Variants in PKHD1 observed in about 807,000 individuals in gnomAD.
PKHD1 encodes the protein PKHD1 ciliary IPT domain containing fibrocystin/polyductin.
A neutral mutation model predicts 412.0 loss-of-function variants in PKHD1; 291 were observed. The observed-to-expected ratio is 0.71, with a 90% CI of 0.64 to 0.78. PKHD1 has a LOEUF of 0.78. Among genes scored for constraint, PKHD1 ranks in the 30% least tolerant of loss-of-function variants. PKHD1 has a pLI of 0.00. For missense variants in PKHD1, 4,825 were observed against 4,950.7 expected (o/e 0.97, Z 0.76); for synonymous variants, 1,777 against 1,821.5 (o/e 0.98, Z 0.62).
In PKHD1 at chr6:51,974,022, T is replaced by G. The variant is rs545453223; in HGVS notation, c.5752-13996A>C. On this transcript the variant is annotated intron_variant, in intron 35 of 66. Transcript: ENST00000371117. ...AAGTGATTTTTGGTCTTTTAAAATT[T>G]TCTTGATAGAGCAATCACTATTCAT... Among the ~76,000 whole-genome samples, 64 of 152,300 alleles carry G rather than the reference T, an allele frequency of 4.2e-4. 1 individual carries two copies. The highest frequency in any genetic ancestry group is 1.3e-3 in the Admixed American group (20 of 15,298).
intron 46 of PKHD1, among the ~76,000 whole-genome samples, chr6:51,881,167 G>A (rs533619666): frequency 1.0e-3 from 145 of 144,996 alleles, no homozygotes; most frequent in Non-Finnish European, 1.5e-3. Context: ...GCTAAGTAAA[G>A]ATTAATAGAT....
At chr6:51,800,857 T>C (rs1320640311) in intron 52 of PKHD1, among the ~76,000 whole-genome samples, 2 of 152,194 alleles carry the variant, frequency 1.3e-5, no homozygotes, top group East Asian at 3.8e-4. Context: ...CAGCTCAGAC[T>C]TCTGAGGGAG....
chr6:51,870,789 T>C, intron 46 of PKHD1, 150 bp from the exon 47 acceptor site: 1 of 634,914 alleles, frequency 1.6e-6, no homozygotes, highest in Non-Finnish European at 2.7e-6. Flanking sequence ...ACAAAGGACC[T>C]ATATCCAGAA....
intron 35 of PKHD1, among the ~76,000 whole-genome samples, chr6:51,996,603 T>C (rs1273135553): frequency 4.6e-5 from 7 of 152,346 alleles, no homozygotes; most frequent in South Asian, 4.1e-4. Context: ...CTTTCTCATT[T>C]GGTTGTTTGT....
intron 61 of PKHD1, among the ~76,000 whole-genome samples, chr6:51,649,426 G>A (rs901284720): frequency 6.6e-6 from 1 of 152,052 alleles, no homozygotes; most frequent in Non-Finnish European, 1.5e-5. Context: ...TAATGAAAAT[G>A]GACTAGGGGG....
chr6:51,885,618 GGTTGCCAA>G (rs1195624836), intron 45 of PKHD1, among the ~76,000 whole-genome samples: 1 of 151,972 alleles, frequency 6.6e-6, no homozygotes, highest in Non-Finnish European at 1.5e-5. Context: ...TCTCTTCTAG[GGTTGCCAA>G]AAACACCCAA....
intron 61 of PKHD1, among the ~76,000 whole-genome samples, chr6:51,651,205 T>G (rs1770906852): frequency 6.6e-6 from 1 of 152,172 alleles, no homozygotes; most frequent in Non-Finnish European, 1.5e-5. Flanking sequence ...AAACAGCATC[T>G]CACTGGAGGT....
chr6:51,959,434 T>C (rs1163113956), intron 36 of PKHD1, among the ~76,000 whole-genome samples: 3 of 152,120 alleles, frequency 2.0e-5, no homozygotes, highest in Non-Finnish European at 4.4e-5. Flanking sequence ...CCTATTTATA[T>C]GACTTTCCAT....
At chr6:52,032,908 CTCCTAGCTT>C in intron 29 of PKHD1, 113 bp downstream of exon 29, 6 of 870,678 alleles carry the variant, frequency 6.9e-6, no homozygotes, top group Non-Finnish European at 1.1e-5. Context: ...AAAAAGCAAT[CTCCTAGCTT>C]TCAAGAAAAA....
At chr6:51,915,752 C>T (rs1241250052) in intron 37 of PKHD1, among the ~76,000 whole-genome samples, 12 of 152,024 alleles carry the variant, frequency 7.9e-5, no homozygotes, top group Non-Finnish European at 1.5e-5. Flanking sequence ...GCAGCCCCTA[C>T]TACCTTCCTA....
intron 37 of PKHD1, among the ~76,000 whole-genome samples, chr6:51,918,978 TTG>T (rs1472166120): frequency 6.6e-6 from 1 of 152,206 alleles, no homozygotes; most frequent in Non-Finnish European, 1.5e-5. Flanking sequence ...TTTGATGGGG[TTG>T]TTTTTTCTTG....
Position 52,025,412 on chromosome 6 carries a change from A to T in PKHD1, c.4398T>A (p.Asn1466Lys), listed in dbSNP as rs770503038. The T allele has an allele frequency of 6.8e-6, 11 of 1,609,838 alleles. No individual in the cohort carries two copies. Among genetic ancestry groups the T allele is most frequent in the Non-Finnish European group, 8.5e-6 (10 of 1,177,140 alleles). ...SFSLNVTVLV[N>K]GLTSECQGNC... ...TCCCCTGACACTCGCTGGTTAGCCC[A>T]TTGACCAGGACTGTGACGTTCAGGG... Residue 1466 changes from asparagine to lysine, a missense_variant, in exon 32 of 67, where the codon AAT becomes AAA. Physicochemically the swap from Asn to Lys is moderately conservative, Grantham distance 94. Coordinates refer to ENST00000371117, the MANE Select transcript of PKHD1 (RefSeq NM_138694.4).
At position 52,084,975 on chromosome 6, in the gene PKHD1, T is replaced by G; in HGVS notation, c.-42A>C. The G allele has an allele frequency of 7.4e-7, 1 of 1,359,138 alleles. No individual in the cohort carries two copies. The highest frequency in any genetic ancestry group is 1.1e-6 in the Non-Finnish European group (1 of 947,288). 84.2% of individuals were successfully genotyped at this position (1,359,138 alleles called of 1,614,324 possible). On this transcript the variant is annotated 5_prime_UTR_variant, in exon 2 of 67. Transcript: ENST00000371117. Reference sequence around the variant, plus strand: ...AATACTCTTAAGATTGCTCAGACATTAAAAGCATTTTCAGTTTTGATTGGA... The same window carrying G: ...AATACTCTTAAGATTGCTCAGACATGAAAAGCATTTTCAGTTTTGATTGGA...
chr6:51,898,788 AAGAG>A (rs1381161080), intron 43 of PKHD1, among the ~76,000 whole-genome samples: 5 of 149,844 alleles, frequency 3.3e-5, no homozygotes, highest in Admixed American at 6.7e-5. Context: ...AAAGAAAAAA[AAGAG>A]AGAAGAATCA....
chr6:52,045,492 C>T (rs1805655823), intron 24 of PKHD1, among the ~76,000 whole-genome samples: 1 of 152,182 alleles, frequency 6.6e-6, no homozygotes, highest in African/African-American at 2.4e-5. Flanking sequence ...GATTGAAAAC[C>T]AGATAACCCA....
chr6:51,874,370 G>A (rs536390606), intron 46 of PKHD1, among the ~76,000 whole-genome samples: 10 of 152,144 alleles, frequency 6.6e-5, no homozygotes, highest in South Asian at 4.2e-4. Context: ...AGGATATATC[G>A]TCATGCTATA....
chr6:51,933,961 G>A (rs1348014895), intron 37 of PKHD1, 149 bp downstream of exon 37: 2 of 700,954 alleles, frequency 2.9e-6, no homozygotes, highest in Non-Finnish European at 5.2e-6. Flanking sequence ...AATCGTAACA[G>A]TTTTACTTGT....
chr6:51,780,172 G>C (rs1437394572), intron 53 of PKHD1, among the ~76,000 whole-genome samples: 2 of 152,122 alleles, frequency 1.3e-5, no homozygotes, highest in African/African-American at 4.8e-5. Context: ...CAGATCACAA[G>C]GTCAAGAGAT....
intron 50 of PKHD1, among the ~76,000 whole-genome samples, chr6:51,839,707 A>G (rs184054177): frequency 6.6e-6 from 1 of 152,266 alleles, no homozygotes; most frequent in Admixed American, 6.5e-5. Flanking sequence ...GCACCCATTT[A>G]TTTAAAAATA....
Sources: gnomAD v4.1 joint callset for allele counts (sites outside exome capture counted in the v4.1 genomes callset) on GRCh38, gnomAD v4.1.1 for gene constraint, MANE v1.5 for transcripts, NCBI Gene and HGNC (gene_info 2026-07-23, HGNC 2026-07-21) for gene names.